CDKN3: variants seen among roughly 807,000 people sequenced by gnomAD.
The protein encoded by CDKN3 is cyclin dependent kinase inhibitor 3, also known as cyclin-dependent kinase inhibitor 3.
CDKN3 carries 19 observed loss-of-function variants against 36.1 expected under a neutral mutation model. The ratio of observed to expected loss-of-function variants is 0.53; its 90% CI spans 0.37 to 0.77. The LOEUF is 0.77. Among genes scored for constraint, CDKN3 ranks in the 30% least tolerant of loss-of-function variants. CDKN3 has a pLI of 0.00. For synonymous variants in CDKN3, 71 were observed against 85.3 expected, an observed-to-expected ratio of 0.83 and a Z score of 0.92; for missense variants, 188 against 248.6, an observed-to-expected ratio of 0.76 and a Z score of 1.64.
chr14:54,418,979 C>T (rs913449679), intron 7 of CDKN3, among the ~76,000 whole-genome samples: 10 of 151,938 alleles, frequency 6.6e-5, no homozygotes, highest in African/African-American at 1.5e-4. Context: ...GCCAACATAA[C>T]GAAACCTTGT....
intron 6 of CDKN3, 151 bp from the exon 7 acceptor site, chr14:54,417,697 C>CA: frequency 2.1e-6 from 1 of 484,336 alleles, no homozygotes; most frequent in South Asian, 2.6e-5. Context: ...ATTTAACTGT[C>CA]AAAAACACAC....
intron 1 of CDKN3, among the ~76,000 whole-genome samples, chr14:54,398,867 T>G (rs1477716680): frequency 6.6e-6 from 1 of 152,210 alleles, no homozygotes; most frequent in African/African-American, 2.4e-5. Flanking sequence ...TGGGGATGTT[T>G]TTTGAGAAAA....
At chr14:54,408,890 A>C (rs4251627) in intron 4 of CDKN3, 101 bp downstream of exon 4, 332,430 of 1,412,150 alleles carry the variant, frequency 0.24, 40,953 homozygotes, top group East Asian at 0.38. Context: ...TTTAATATAA[A>C]AATAAGTTTT....
At chr14:54,418,655 T>C (rs546071433) in intron 7 of CDKN3, among the ~76,000 whole-genome samples, 9 of 152,358 alleles carry the variant, frequency 5.9e-5, no homozygotes, top group African/African-American at 2.2e-4. Context: ...CAAAGAATCC[T>C]GGCTGTTAGG....
intron 1 of CDKN3, among the ~76,000 whole-genome samples, chr14:54,397,949 G>A (rs1425293132): frequency 6.6e-6 from 1 of 152,162 alleles, no homozygotes; most frequent in African/African-American, 2.4e-5. Flanking sequence ...TAGCCAACAC[G>A]GTGAAACCCC....
At chr14:54,409,331 A>G (rs2030271874) in intron 4 of CDKN3, among the ~76,000 whole-genome samples, 2 of 152,218 alleles carry the variant, frequency 1.3e-5, no homozygotes, top group African/African-American at 4.8e-5. Context: ...TGGAATTTAC[A>G]TATTGCATGA....
chr14:54,405,615 A>ATCTT (rs1467783530), intron 3 of CDKN3, among the ~76,000 whole-genome samples: 1 of 151,480 alleles, frequency 6.6e-6, no homozygotes. Flanking sequence ...TTCTTTTTTT[A>ATCTT]TCTTTGTTGG....
chr14:54,397,770 A>G (rs2139961569), intron 1 of CDKN3, among the ~76,000 whole-genome samples: 1 of 152,324 alleles, frequency 6.6e-6, no homozygotes, highest in East Asian at 1.9e-4. Flanking sequence ...CGGCTTGACA[A>G]CCTACTGGAA....
intron 1 of CDKN3, among the ~76,000 whole-genome samples, chr14:54,397,709 A>T (rs567884232): frequency 6.6e-6 from 1 of 152,380 alleles, no homozygotes; most frequent in East Asian, 1.9e-4. Context: ...GAAAAAACAG[A>T]TGCAGGCAAG....
intron 4 of CDKN3, among the ~76,000 whole-genome samples, chr14:54,410,982 C>G (rs4251636): frequency 0.03 from 4,604 of 151,932 alleles, 203 homozygotes; most frequent in East Asian, 0.079. Context: ...AGTTCAAGAC[C>G]AGCCTGACAA....
chr14:54,403,540 T>C (rs1379712118), intron 3 of CDKN3, among the ~76,000 whole-genome samples: 2 of 152,220 alleles, frequency 1.3e-5, no homozygotes, highest in Non-Finnish European at 2.9e-5. Context: ...TTTCTTTCTC[T>C]TGCCTGATTC....
At chr14:54,413,758 C>G in intron 5 of CDKN3, 1 of 1,487,676 alleles carries the variant, frequency 6.7e-7, no homozygotes, top group Non-Finnish European at 8.9e-7. Flanking sequence ...AGTGCTGTCT[C>G]ACTGGTTCTG....
intron 1 of CDKN3, 39 bp downstream of exon 1, chr14:54,397,116 C>T: frequency 1.4e-6 from 2 of 1,472,240 alleles, no homozygotes; most frequent in Admixed American, 2.5e-5. Flanking sequence ...AGCGAGGCGG[C>T]AGGGACGCAA....
intron 4 of CDKN3, among the ~76,000 whole-genome samples, chr14:54,409,499 G>A (rs1032913521): frequency 1.3e-5 from 2 of 151,948 alleles, no homozygotes; most frequent in Non-Finnish European, 2.9e-5. Flanking sequence ...AAAACTTTTC[G>A]TGGTTATTCT....
chr14:54,414,711 T>G (rs1212040206), intron 5 of CDKN3, among the ~76,000 whole-genome samples: 1 of 122,398 alleles, frequency 8.2e-6, no homozygotes, highest in African/African-American at 3.8e-5. Flanking sequence ...GTGCCAGGCT[T>G]TTTTTTTTTT....
chr14:54,419,621 C>G (rs2030662094), intron 7 of CDKN3, among the ~76,000 whole-genome samples: 1 of 152,138 alleles, frequency 6.6e-6, no homozygotes, highest in African/African-American at 2.4e-5. Context: ...ATACCAGTTA[C>G]TTGCTACAGA....
chr14:54,399,706 G>C (rs566676615), intron 1 of CDKN3, among the ~76,000 whole-genome samples, 188 bp from the exon 2 acceptor site: 1 of 152,254 alleles, frequency 6.6e-6, no homozygotes, highest in African/African-American at 2.4e-5. Flanking sequence ...ACTATGCAGT[G>C]CTATAATTAT....
At chr14:54,417,784 T>C in intron 6 of CDKN3, 64 bp from the exon 7 acceptor site, 2 of 851,148 alleles carry the variant, frequency 2.3e-6, no homozygotes, top group Non-Finnish European at 3.7e-6. Flanking sequence ...TTATTAAATA[T>C]AAAATGCTGT....
At position 54,420,171 on chromosome 14, in the gene CDKN3, G is replaced by A; in HGVS notation, c.*93G>A. ...ATGAAACCACCAGTGTTATCAACTT[G>A]AATGTAAATGTACATGTGCAGATAT... On this transcript the variant is annotated 3_prime_UTR_variant, in exon 8 of 8. Transcript: ENST00000335183. The A allele has an allele frequency of 1.5e-6, 1 of 675,638 alleles. No homozygotes were observed. The allele number at this position is 675,638 out of a possible 1,614,324, so 41.9% of individuals were successfully genotyped here.
Sources: allele counts gnomAD v4.1 joint callset (sites outside exome capture counted in the v4.1 genomes callset), GRCh38; gene constraint gnomAD v4.1.1; transcripts MANE v1.5; gene names NCBI Gene and HGNC (gene_info 2026-07-23, HGNC 2026-07-21).